The following FANCA variants were observed in gnomAD, a reference collection of about 807,000 sequenced individuals.
FANCA encodes the protein FA complementation group A, also known as Fanconi anemia group A protein.
Under a neutral mutation model 194.3 loss-of-function variants are expected in FANCA, and 236 were observed. The observed-to-expected ratio is 1.21, with a 90% CI of 1.09 to 1.35. The LOEUF is 1.35. FANCA is among the 40% of genes most tolerant of loss of function. The pLI is 0.00. For synonymous variants in FANCA, 1,014 were observed against 715.8 expected, an observed-to-expected ratio of 1.42 and a Z score of -6.65; for missense variants, 2,628 against 1,813.9, an observed-to-expected ratio of 1.45 and a Z score of -8.15.
intron 26 of FANCA, among the ~76,000 whole-genome samples, chr16:89,767,696 C>T (rs2039178270): frequency 6.6e-6 from 1 of 152,146 alleles, no homozygotes; most frequent in Non-Finnish European, 1.5e-5. Context: ...CTACAGGTGC[C>T]AGCCTCCATG....
Position 89,771,918 on chromosome 16 carries a change from C to T in FANCA, c.2015-104G>A. The stretch of plus-strand genomic sequence containing the variant: ...CCCGTCAAGTACGATTCCACGGATC[C>T]TGCTGACTGCACACATCCCCCAGCC... On this transcript the variant is annotated intron_variant, in intron 22 of 42. Coordinates refer to ENST00000389301, the MANE Select transcript of FANCA (RefSeq NM_000135.4). 3.8e-6 allele frequency: 5 copies of T among 1,325,670 alleles called. No homozygotes were observed. The South Asian group carries it at 4.9e-5, about 13-fold the overall frequency. The allele number at this position is 1,325,670 out of a possible 1,614,324, so 82.1% of individuals were successfully genotyped here. A position where few individuals can be genotyped will look rare whatever the true frequency, so the allele number is the denominator to read the frequency against.
chr16:89,738,525 G>T lies in FANCA; in HGVS notation c.*76C>A. 6.3e-7 allele frequency: 1 copy of T among 1,598,388 alleles called. No individual in the cohort carries two copies. The highest frequency in any genetic ancestry group is 8.6e-7 in the Non-Finnish European group (1 of 1,168,596). ...GGAGATTTGTAATCCACTTTTTAGTGCAACAAGAGCTCCATGTTATGCTTG... is the reference window on the plus strand; with the variant it reads ...GGAGATTTGTAATCCACTTTTTAGTTCAACAAGAGCTCCATGTTATGCTTG... On this transcript the variant is annotated 3_prime_UTR_variant, in exon 43 of 43. Coordinates refer to ENST00000389301, the MANE Select transcript of FANCA (RefSeq NM_000135.4).
intron 21 of FANCA, among the ~76,000 whole-genome samples, chr16:89,774,698 C>CCA (rs2039436563): frequency 1.6e-5 from 2 of 122,344 alleles, no homozygotes; most frequent in South Asian, 2.7e-4. Flanking sequence ...CCACTGCACT[C>CCA]CAGCCTGGGC....
intron 14 of FANCA, 111 bp from the exon 15 acceptor site, chr16:89,785,075 T>G (rs1407946679): frequency 1.3e-6 from 1 of 764,570 alleles, no homozygotes; most frequent in African/African-American, 1.7e-5. Flanking sequence ...CAGGCGCAGC[T>G]GCACCACCTA....
At chr16:89,761,137 T>C (rs1233654387) in intron 29 of FANCA, among the ~76,000 whole-genome samples, 1 of 152,196 alleles carries the variant, frequency 6.6e-6, no homozygotes, top group African/African-American at 2.4e-5. Flanking sequence ...TTGGGCAACC[T>C]GGCCAGGCGC....
intron 22 of FANCA, among the ~76,000 whole-genome samples, chr16:89,773,057 C>T (rs2039378023): frequency 2.0e-5 from 3 of 152,182 alleles, no homozygotes; most frequent in Non-Finnish European, 4.4e-5. Flanking sequence ...TATTCACCTT[C>T]TGCCAAGGGT....
At chr16:89,815,314 G>A (rs945912587) in intron 2 of FANCA, among the ~76,000 whole-genome samples, 1 of 147,898 alleles carries the variant, frequency 6.8e-6, no homozygotes, top group Non-Finnish European at 1.5e-5. Flanking sequence ...TAGGATTACA[G>A]GCGTGAGCCA....
chr16:89,773,874 A>T lies in FANCA; in HGVS notation c.1901-490T>A, dbSNP rs1396909733. On this transcript the variant is annotated intron_variant, in intron 21 of 42. Coordinates refer to ENST00000389301, the MANE Select transcript of FANCA (RefSeq NM_000135.4). The stretch of plus-strand genomic sequence containing the variant: ...TGTAACCTCCGCCTCCCGGGTTCAA[A>T]TCATCCTGCCTCAGCCTCCCGAGTA... 4.0e-5 allele frequency among the ~76,000 whole-genome samples: 6 copies of T among 151,724 alleles called. No individual in the cohort carries two copies. In the East Asian group the frequency reaches 1.2e-3, roughly 29 times the overall value.
chr16:89,775,719 G>A (rs188823917), intron 21 of FANCA, 23 bp downstream of exon 21: 2 of 1,594,958 alleles, frequency 1.3e-6, no homozygotes, highest in East Asian at 4.5e-5. Context: ...GTCCCAGAGT[G>A]GACAAGCGGC....
At chr16:89,802,827 T>C (rs2040502223) in intron 8 of FANCA, among the ~76,000 whole-genome samples, 3 of 152,118 alleles carry the variant, frequency 2.0e-5, no homozygotes, top group African/African-American at 4.8e-5. Context: ...ATCACAAATA[T>C]GTGGGAGCTA....
rs767090883 is a variant in FANCA at position 89,742,931 on chromosome 16, A to AGAG, written c.3631_3633dup (p.Leu1211dup). 4 of 1,613,736 alleles carry AGAG rather than the reference A, an allele frequency of 2.5e-6. No homozygotes were observed. In the African/African-American group the frequency reaches 5.3e-5, roughly 22 times the overall value. On this transcript the variant is annotated inframe_insertion, in exon 37 of 43. Coordinates refer to ENST00000389301, the MANE Select transcript of FANCA (RefSeq NM_000135.4). ...GGTGCTGGGGAGGCAGCCTCAGGGG[A>AGAG]GAGGAAACTGGGACAGAGAGAACGG...
intron 37 of FANCA, among the ~76,000 whole-genome samples, chr16:89,742,121 T>G (rs1161695388): frequency 2.6e-5 from 4 of 151,970 alleles, no homozygotes; most frequent in Non-Finnish European, 5.9e-5. Context: ...GGATTGTAGG[T>G]GCGCACCACC....
rs1435727686 is a variant in FANCA at position 89,791,487 on chromosome 16, G to A, written c.1275C>T (p.Asp425=). The change falls in exon 14 of 43, where the codon GAC becomes GAT. Residue 425 remains aspartate, a synonymous_variant. Coordinates refer to ENST00000389301, the MANE Select transcript of FANCA (RefSeq NM_000135.4). ...CAACCAGGAACGCAGTGACCATGCT[G>A]TCCAGCTGGCAGCTCTCGAATGCCT... is the stretch of plus-strand genomic sequence containing the variant. ...MAQAFESCQL[D]SMVTAFLVVR... 1 of 1,614,170 alleles carries A rather than the reference G, an allele frequency of 6.2e-7. No homozygotes were observed. The highest frequency in any genetic ancestry group is 8.5e-7 in the Non-Finnish European group (1 of 1,180,024).
At chr16:89,806,489 C>T (rs970465440) in intron 6 of FANCA, among the ~76,000 whole-genome samples, 4 of 151,280 alleles carry the variant, frequency 2.6e-5, no homozygotes, top group African/African-American at 9.7e-5. Flanking sequence ...AGGCAGAGGA[C>T]CCTGAGGCCT....
At chr16:89,760,822 G>A (rs913823471) in intron 29 of FANCA, among the ~76,000 whole-genome samples, 7 of 152,058 alleles carry the variant, frequency 4.6e-5, no homozygotes, top group East Asian at 3.9e-4. Context: ...CCTCTCACAC[G>A]GCCCTGTCTG....
intron 26 of FANCA, among the ~76,000 whole-genome samples, chr16:89,767,980 T>C (rs1020909054): frequency 6.6e-6 from 1 of 152,198 alleles, no homozygotes; most frequent in South Asian, 2.1e-4. Flanking sequence ...CCACCGTGCC[T>C]GGCCCAGCCC....
intron 27 of FANCA, 145 bp from the exon 28 acceptor site, chr16:89,765,211 G>T: frequency 2.1e-6 from 2 of 970,110 alleles, no homozygotes; most frequent in Non-Finnish European, 3.2e-6. Flanking sequence ...CCCTGGGAGG[G>T]CGCAATACAC....
intron 23 of FANCA, among the ~76,000 whole-genome samples, chr16:89,771,155 C>CAAAAAAAAAAAAAAA (rs34471552): frequency 1.8e-5 from 1 of 56,644 alleles, no homozygotes; most frequent in African/African-American, 7.3e-5. Context: ...AAGACTCAGT[C>CAAAAAAAAAAAAAAA]AAAAAAAAAA....
rs756140957 is a variant in FANCA at position 89,778,942 on chromosome 16, C to T, written c.1776+1G>A. ...ACAAACTCATGGAGACGCATACTGA[C>T]CACTCGAGGTGTGAGCAGGGCGGGG... On this transcript the variant is annotated splice_donor_variant, in intron 19 of 42. Transcript: ENST00000389301. LOFTEE classifies it high-confidence loss of function. 2 of 1,614,132 alleles carry T rather than the reference C, an allele frequency of 1.2e-6. No individual in the cohort carries two copies. The highest frequency in any genetic ancestry group is 3.3e-5 in the Admixed American group (2 of 60,008).
Sources: allele counts gnomAD v4.1 joint callset (sites outside exome capture counted in the v4.1 genomes callset), GRCh38; gene constraint gnomAD v4.1.1; transcripts MANE v1.5; gene names NCBI Gene and HGNC (gene_info 2026-07-23, HGNC 2026-07-21).